The following EIF4G3 variants were observed in gnomAD, a reference collection of about 807,000 sequenced individuals.
EIF4G3 encodes the protein eIF-4-gamma 3.
A neutral mutation model predicts 186.4 loss-of-function variants in EIF4G3; 34 were observed. That is an observed-to-expected ratio of 0.18 (90% CI 0.14 to 0.24). The LOEUF (loss-of-function observed/expected upper bound fraction) is 0.24, where lower values mean the gene tolerates loss of function less well. Ranked by LOEUF, EIF4G3 falls within the 10% of genes least tolerant of loss-of-function variation. The pLI is 1.00. For missense variants in EIF4G3, 1,536 were observed against 1,948.5 expected (o/e 0.79, Z 3.99); for synonymous variants, 673 against 679.5 (o/e 0.99, Z 0.15).
chr1:21,134,837 C>T (rs1478091764), intron 2 of EIF4G3, among the ~76,000 whole-genome samples: 4 of 151,764 alleles, frequency 2.6e-5, no homozygotes, highest in Non-Finnish European at 5.9e-5. Context: ...CATTGCTTTG[C>T]TATGTTATAG....
At chr1:21,023,457 G>A (rs999880857) in intron 4 of EIF4G3, among the ~76,000 whole-genome samples, 2 of 151,690 alleles carry the variant, frequency 1.3e-5, no homozygotes, top group Admixed American at 6.6e-5. Flanking sequence ...ACAGGGTTTC[G>A]CTGTGTTGGC....
chr1:20,840,068 C>T (rs2068045134), intron 30 of EIF4G3, among the ~76,000 whole-genome samples: 2 of 152,180 alleles, frequency 1.3e-5, no homozygotes, highest in African/African-American at 4.8e-5. Context: ...GAGTGGGCAT[C>T]TGTCAGTGCT....
chr1:20,920,744 G>GT (rs982199188), intron 14 of EIF4G3, among the ~76,000 whole-genome samples: 20 of 151,694 alleles, frequency 1.3e-4, no homozygotes, highest in African/African-American at 4.6e-4. Flanking sequence ...GAGAGCTTGG[G>GT]TTTTTTTTCC....
At chr1:21,174,393 A>G (rs1027914759) in intron 2 of EIF4G3, among the ~76,000 whole-genome samples, 4 of 152,204 alleles carry the variant, frequency 2.6e-5, no homozygotes, top group East Asian at 1.9e-4. Context: ...TTCACCAAAC[A>G]GTGTCACATT....
chr1:20,984,206 G>A (rs942176780), intron 7 of EIF4G3, among the ~76,000 whole-genome samples: 2 of 150,160 alleles, frequency 1.3e-5, no homozygotes, highest in Admixed American at 6.6e-5. Flanking sequence ...TTGCTCTGTC[G>A]CCCAGGCTGG....
chr1:20,983,653 A>C (rs1232079555), intron 7 of EIF4G3, among the ~76,000 whole-genome samples: 1 of 152,218 alleles, frequency 6.6e-6, no homozygotes, highest in East Asian at 1.9e-4. Context: ...GGGCATTGCT[A>C]AATAACACAG....
At chr1:20,861,700 G>A (rs939191512) in intron 23 of EIF4G3, among the ~76,000 whole-genome samples, 5 of 152,210 alleles carry the variant, frequency 3.3e-5, no homozygotes, top group South Asian at 2.1e-4. Context: ...GTGGCTGGGC[G>A]TGGTGGCTCA....
chr1:20,930,264 C>T (rs1318147863), intron 14 of EIF4G3, among the ~76,000 whole-genome samples: 1 of 152,124 alleles, frequency 6.6e-6, no homozygotes, highest in Non-Finnish European at 1.5e-5. Context: ...AATAAGACAA[C>T]AATGAAGTTT....
At chr1:21,041,476 T>C (rs1571531737) in intron 4 of EIF4G3, among the ~76,000 whole-genome samples, 2 of 152,232 alleles carry the variant, frequency 1.3e-5, no homozygotes, top group East Asian at 1.9e-4. Context: ...GTGTAATTTA[T>C]TTCTTACTAA....
chr1:21,173,620 G>A (rs964698702), intron 2 of EIF4G3, among the ~76,000 whole-genome samples: 4 of 152,210 alleles, frequency 2.6e-5, no homozygotes, highest in East Asian at 1.9e-4. Context: ...TCCAGCCGGC[G>A]TAGGTTGCAG....
chr1:21,136,088 C>T (rs1368150042), intron 2 of EIF4G3, among the ~76,000 whole-genome samples: 1 of 152,060 alleles, frequency 6.6e-6, no homozygotes, highest in Non-Finnish European at 1.5e-5. Context: ...GAGGCTGAGA[C>T]AGGAGAATGG....
chr1:20,982,304 T>G, intron 8 of EIF4G3, 84 bp downstream of exon 8: 3 of 925,856 alleles, frequency 3.2e-6, no homozygotes, highest in Non-Finnish European at 4.7e-6. Context: ...AATGTGAATG[T>G]ATCCATTCAT....
chr1:20,892,643 T>C, intron 18 of EIF4G3: 1 of 1,535,982 alleles, frequency 6.5e-7, no homozygotes, highest in Non-Finnish European at 8.7e-7. Flanking sequence ...TCTTCATGGG[T>C]GGGTGTGACA....
At chr1:20,910,525 A>G (rs2093023787) in intron 14 of EIF4G3, among the ~76,000 whole-genome samples, 1 of 152,222 alleles carries the variant, frequency 6.6e-6, no homozygotes, top group Non-Finnish European at 1.5e-5. Context: ...TGGAGGTTGC[A>G]GTGAGCCAAG....
intron 2 of EIF4G3, among the ~76,000 whole-genome samples, chr1:21,093,305 C>T (rs889577330): frequency 3.3e-5 from 5 of 152,172 alleles, no homozygotes; most frequent in African/African-American, 1.2e-4. Flanking sequence ...TGAACAGACA[C>T]TTCTCAAAAG....
intron 7 of EIF4G3, among the ~76,000 whole-genome samples, chr1:20,987,982 A>G (rs1187427628): frequency 6.6e-6 from 1 of 152,256 alleles, no homozygotes; most frequent in Non-Finnish European, 1.5e-5. Flanking sequence ...ATGATAAAGC[A>G]AAACAGCCTT....
chr1:20,893,455 T>C (rs1324937690), intron 18 of EIF4G3, 62 bp downstream of exon 18: 2 of 1,488,124 alleles, frequency 1.3e-6, no homozygotes, highest in African/African-American at 1.4e-5. Context: ...TGCCATGAGG[T>C]AGGATTTCAT....
chr1:21,024,648 AG>A (rs2091750324), intron 4 of EIF4G3, among the ~76,000 whole-genome samples: 1 of 150,312 alleles, frequency 6.7e-6, no homozygotes, highest in Non-Finnish European at 1.5e-5. Context: ...AAATGGATTA[AG>A]GGCGGTGCAA....
intron 34 of EIF4G3, among the ~76,000 whole-genome samples, chr1:20,815,954 G>A (rs1162044479): frequency 3.6e-5 from 3 of 83,170 alleles, no homozygotes; most frequent in Non-Finnish European, 5.0e-5. Flanking sequence ...CTGGCCAGCC[G>A]CCCCGTCCGG....
Sources: gnomAD v4.1 joint callset for allele counts (sites outside exome capture counted in the v4.1 genomes callset) on GRCh38, gnomAD v4.1.1 for gene constraint, MANE v1.5 for transcripts, NCBI Gene and HGNC (gene_info 2026-07-23, HGNC 2026-07-21) for gene names.